Variants in ELN observed in about 807,000 individuals in gnomAD.
ELN encodes the protein elastin, also known as tropoelastin.
ELN carries 65 observed loss-of-function variants against 105.8 expected under a neutral mutation model. That is an observed-to-expected ratio of 0.61 (90% CI 0.50 to 0.75). ELN has a LOEUF of 0.75. ELN is among the 30% of genes least tolerant of loss of function. The pLI is 0.00. For missense variants in ELN, 882 were observed against 969.4 expected, an observed-to-expected ratio of 0.91 and a Z score of 1.20; for synonymous variants, 368 against 389.2, an observed-to-expected ratio of 0.95 and a Z score of 0.64.
In ELN at chr7:74,046,179, T is replaced by A. The variant is rs1554672001; in HGVS notation, c.542-9T>A. 1.2e-6 allele frequency: 2 copies of A among 1,614,242 alleles called. No homozygotes were observed. The highest frequency in any genetic ancestry group is 1.7e-5 in the Admixed American group (1 of 60,034). On this transcript the variant is annotated splice_polypyrimidine_tract_variant and intron_variant, in intron 10 of 32. Transcript: ENST00000252034. ...CCAGGGCTGTAGTGACAGCTTTTTA[T>A]CATTACAGGTGTAGGTGGAGCTTTT...
At chr7:74,066,606 G>GT (rs1798010265) in intron 31 of ELN, 126 bp from the exon 32 acceptor site, 2 of 748,804 alleles carry the variant, frequency 2.7e-6, no homozygotes, top group Non-Finnish European at 4.6e-6. Context: ...AAATTATATA[G>GT]TGGGGGGGAT....
At position 74,063,238 on chromosome 7, in the gene ELN, C is replaced by G; in HGVS notation, c.1858+14C>G. On this transcript the variant is annotated intron_variant, in intron 27 of 32. Transcript: ENST00000252034. This position sits in a 1 kb window ranked among gnomAD's most constrained non-coding sequence, Gnocchi z 4.1. ...GCGGTGTGGTGGGTGAGTTGAAACC[C>G]CAGGAGGGGCAGGGTGGGGAGGGAA... is the stretch of plus-strand genomic sequence containing the variant. The G allele has an allele frequency of 6.2e-7, 1 of 1,604,048 alleles. No homozygotes were observed. The highest frequency in any genetic ancestry group is 1.1e-5 in the South Asian group (1 of 88,256).
chr7:74,066,697 C>T, intron 31 of ELN, 35 bp from the exon 32 acceptor site: 1 of 1,613,326 alleles, frequency 6.2e-7, no homozygotes, highest in Non-Finnish European at 8.5e-7. Flanking sequence ...AGTTTCCACC[C>T]CTACCAACCC....
intron 12 of ELN, 23 bp from the exon 13 acceptor site, chr7:74,047,652 A>C (rs2131637876): frequency 1.2e-6 from 2 of 1,614,070 alleles, no homozygotes; most frequent in East Asian, 2.2e-5. Flanking sequence ...GCAGCCCCTG[A>C]GTTTGCTCTG....
chr7:74,044,022 G>T, intron 9 of ELN, 102 bp downstream of exon 9: 1 of 1,488,270 alleles, frequency 6.7e-7, no homozygotes, highest in Non-Finnish European at 9.2e-7. Context: ...GAGGCAGGAG[G>T]ATGGCTTGAG....
chr7:74,042,851 C>G, intron 6 of ELN, 133 bp from the exon 7 acceptor site: 5 of 1,549,420 alleles, frequency 3.2e-6, no homozygotes, highest in Middle Eastern at 1.7e-4. Flanking sequence ...AGGGAGGCAG[C>G]TAGCTGTGCC....
intron 10 of ELN, 160 bp downstream of exon 10, chr7:74,045,453 G>A (rs1313022424): frequency 1.3e-6 from 1 of 782,858 alleles, no homozygotes; most frequent in Non-Finnish European, 2.2e-6. Context: ...AAACCTCAGA[G>A]TGTGGCTGGG....
chr7:74,048,047 A>C (rs1423964339), intron 13 of ELN, 95 bp from the exon 14 acceptor site: 1 of 1,492,204 alleles, frequency 6.7e-7, no homozygotes, highest in Non-Finnish European at 9.3e-7. Flanking sequence ...GTGCAGACTC[A>C]GGACAGCTTG....
chr7:74,053,287 G>A lies in ELN; in HGVS notation c.1074G>A (p.Gly358=), dbSNP rs782635753. ...GGATTCCAGTTGTCCCAGGTGCTGG[G>A]ATCCCAGGTGCTGCGGTTCCAGGTG... ...GAGIPVVPGA[G]IPGAAVPGVV... Residue 358 remains glycine, a synonymous_variant, in exon 18 of 33, where the codon GGG becomes GGA. Transcript: ENST00000252034. 1.2e-6 allele frequency: 2 copies of A among 1,613,426 alleles called. No homozygotes were observed. The highest frequency in any genetic ancestry group is 2.7e-5 in the African/African-American group (2 of 74,792).
intron 2 of ELN, chr7:74,035,671 A>G (rs1246595137): frequency 3.5e-6 from 2 of 564,368 alleles, no homozygotes; most frequent in Admixed American, 5.2e-5. Context: ...GGAGTTTCAG[A>G]CCAGCCTGGA....
chr7:74,028,879 T>C (rs1422130127), intron 1 of ELN, among the ~76,000 whole-genome samples: 1 of 152,082 alleles, frequency 6.6e-6, no homozygotes, highest in Non-Finnish European at 1.5e-5. Flanking sequence ...TGTGTGTGTG[T>C]GTGCATGCAC....
intron 32 of ELN, 151 bp from the exon 33 acceptor site, chr7:74,068,506 G>T: frequency 1.2e-6 from 1 of 827,578 alleles, no homozygotes; most frequent in Non-Finnish European, 2.0e-6. Flanking sequence ...GAAGTTGATG[G>T]CATGGATCAG....
Position 74,060,260 on chromosome 7 carries a change from G to A in ELN, c.1621+76G>A, listed in dbSNP as rs1370627014. 9 of 1,613,660 alleles carry A rather than the reference G, an allele frequency of 5.6e-6. No individual in the cohort carries two copies. In the East Asian group the frequency reaches 8.9e-5, roughly 16 times the overall value. ...GTTAGGGGCAACAGCCAGGGAGGAG[G>A]CCGCTGCTTGGATCTGGGCCCCTTC... On this transcript the variant is annotated intron_variant, in intron 24 of 32. Coordinates refer to ENST00000252034, the MANE Select transcript of ELN (RefSeq NM_000501.4).
chr7:74,030,614 G>T lies in ELN; in HGVS notation c.82+2345G>T, dbSNP rs546322184. ...GGGTCTCGCTGTGTTGTCCAGGCTG[G>T]TCTGAATTCCTGGGCTCAAGTGATC... On this transcript the variant is annotated intron_variant, in intron 1 of 32. Coordinates refer to ENST00000252034, the MANE Select transcript of ELN (RefSeq NM_000501.4). Among the ~76,000 whole-genome samples the T allele has an allele frequency of 8.6e-5, 13 of 151,656 alleles. No individual in the cohort carries two copies. In the South Asian group the frequency reaches 2.7e-3, roughly 32 times the overall value.
intron 6 of ELN, 53 bp downstream of exon 6, chr7:74,042,759 C>A (rs1195544229): frequency 3.8e-6 from 6 of 1,598,500 alleles, no homozygotes; most frequent in Non-Finnish European, 5.1e-6. Context: ...CCGTGGGGCC[C>A]TCCGCTTTGC....
intron 25 of ELN, 65 bp downstream of exon 25, chr7:74,060,566 TCAGCACCTCCC>T (rs782719942): frequency 1.8e-5 from 29 of 1,612,120 alleles, no homozygotes; most frequent in Admixed American, 3.4e-5. Context: ...CCTCCTCCTC[TCAGCACCTCCC>T]CAGCACCCCC....
intron 9 of ELN, 36 bp from the exon 10 acceptor site, chr7:74,045,186 C>T (rs1310147976): frequency 6.2e-7 from 1 of 1,612,972 alleles, no homozygotes; most frequent in Non-Finnish European, 8.5e-7. Flanking sequence ...CCTGCAAGGC[C>T]TGCCTTCCTA....
At chr7:74,040,675 A>G (rs928683410) in intron 4 of ELN, among the ~76,000 whole-genome samples, 1 of 152,070 alleles carries the variant, frequency 6.6e-6, no homozygotes, top group Non-Finnish European at 1.5e-5. Flanking sequence ...AGACGAAGCG[A>G]TTGGGCCCAG....
intron 32 of ELN, 79 bp downstream of exon 32, chr7:74,066,855 C>T: frequency 6.6e-7 from 1 of 1,504,322 alleles, no homozygotes; most frequent in Non-Finnish European, 9.2e-7. Flanking sequence ...CCATCTCCTG[C>T]TCAGAAGGGC....
Sources: gnomAD v4.1 joint callset for allele counts (sites outside exome capture counted in the v4.1 genomes callset) on GRCh38, gnomAD v4.1.1 for gene constraint, Gnocchi (gnomAD v3.1) non-coding constraint, MANE v1.5 for transcripts, NCBI Gene and HGNC (gene_info 2026-07-23, HGNC 2026-07-21) for gene names.